The following SLC7A14 variants were observed in gnomAD, a reference collection of about 807,000 sequenced individuals.
SLC7A14 encodes the protein solute carrier family 7 member 14, also known as gamma-aminobutyric acid transporter SLC7A14.
A neutral mutation model predicts 60.2 loss-of-function variants in SLC7A14; 37 were observed. That is an observed-to-expected ratio of 0.61 (90% confidence interval 0.47 to 0.81). SLC7A14 has a LOEUF of 0.81. Among genes scored for constraint, SLC7A14 ranks in the 30% least tolerant of loss-of-function variants. The probability of loss-of-function intolerance (pLI) is 0.00; values close to 1 mark genes in which losing one functional copy is unlikely to be tolerated. For missense variants in SLC7A14, 886 were observed against 982.7 expected (o/e 0.90, Z 1.32); for synonymous variants, 399 against 395.8 (o/e 1.01, Z -0.10).
chr3:170,566,509 A>C (rs1437507756), intron 1 of SLC7A14, among the ~76,000 whole-genome samples: 1 of 152,198 alleles, frequency 6.6e-6, no homozygotes, highest in Admixed American at 6.5e-5. Flanking sequence ...TTTTCAGTTT[A>C]ATCTCCTGAC....
intron 2 of SLC7A14, among the ~76,000 whole-genome samples, chr3:170,504,942 G>C (rs566195531): frequency 6.6e-5 from 10 of 152,270 alleles, no homozygotes; most frequent in African/African-American, 2.4e-4. Flanking sequence ...CAGGGACCTG[G>C]GCTGTTTATC....
intron 2 of SLC7A14, 126 bp downstream of exon 2, chr3:170,526,507 G>A (rs1713504349): frequency 8.4e-7 from 1 of 1,189,628 alleles, no homozygotes; most frequent in East Asian, 2.4e-5. Context: ...GCAAAAAAGA[G>A]CATGATGATC....
intron 4 of SLC7A14, chr3:170,495,773 C>T (rs1712371105): frequency 8.6e-7 from 1 of 1,162,658 alleles, no homozygotes; most frequent in Non-Finnish European, 1.3e-6. Flanking sequence ...AGGTACGGTT[C>T]CTGCAGCAGT....
At position 170,532,642 on chromosome 3, in the gene SLC7A14, C is replaced by T. The variant is rs1713712477; in HGVS notation, c.-152-5554G>A. Among the ~76,000 whole-genome samples, 1 of 151,690 alleles carries T rather than the reference C, an allele frequency of 6.6e-6. No individual in the cohort carries two copies. The highest frequency in any genetic ancestry group is 6.6e-5 in the Admixed American group (1 of 15,254). ...TGCATGCTGTGGGAGCGTTAGCTAGCATCACCCTGCTGTGGCCCCTGACCA... is the reference window on the plus strand; with the variant it reads ...TGCATGCTGTGGGAGCGTTAGCTAGTATCACCCTGCTGTGGCCCCTGACCA... On this transcript the variant is annotated intron_variant, in intron 1 of 7. Coordinates refer to ENST00000231706, the MANE Select transcript of SLC7A14 (RefSeq NM_020949.3). This position sits in a 1 kb window ranked among gnomAD's most constrained non-coding sequence, Gnocchi z 4.0.
At chr3:170,563,823 T>C (rs1434616161) in intron 1 of SLC7A14, among the ~76,000 whole-genome samples, 1 of 152,250 alleles carries the variant, frequency 6.6e-6, no homozygotes, top group East Asian at 1.9e-4. Context: ...GGTTTTCATC[T>C]GCATTTGGTT....
At chr3:170,496,211 C>A in intron 4 of SLC7A14, 1 of 918,466 alleles carries the variant, frequency 1.1e-6, no homozygotes, top group Non-Finnish European at 1.8e-6. Context: ...ACAGCATCAT[C>A]GCTGAGGTCA....
intron 7 of SLC7A14, among the ~76,000 whole-genome samples, chr3:170,472,661 G>A (rs1169446771): frequency 3.9e-5 from 6 of 151,926 alleles, no homozygotes; most frequent in Non-Finnish European, 8.8e-5. Context: ...CAGCTACTCC[G>A]GAGGCTGAGG....
Position 170,523,519 on chromosome 3 carries a change from T to G in SLC7A14, c.304+3114A>C, listed in dbSNP as rs59758259. 2.8e-4 allele frequency among the ~76,000 whole-genome samples: 43 copies of G among 152,330 alleles called. No individual in the cohort carries two copies. The East Asian group carries it at 3.3e-3, about 12-fold the overall frequency. On this transcript the variant is annotated intron_variant, in intron 2 of 7. Coordinates refer to ENST00000231706, the MANE Select transcript of SLC7A14 (RefSeq NM_020949.3). ...GTGATTCAGCACAGTTTAGTCTTCC[T>G]TTGAAAACACTCTTAACCCCATTAC...
intron 2 of SLC7A14, among the ~76,000 whole-genome samples, chr3:170,521,233 G>A (rs577970883): frequency 1.3e-5 from 2 of 152,306 alleles, no homozygotes; most frequent in Admixed American, 6.5e-5. Context: ...TAACTTCCCA[G>A]CTTGACAAAT....
At chr3:170,488,558 T>C (rs1712110191) in intron 4 of SLC7A14, among the ~76,000 whole-genome samples, 1 of 152,212 alleles carries the variant, frequency 6.6e-6, no homozygotes, top group African/African-American at 2.4e-5. Context: ...AGATAGTTCC[T>C]TCATTTTTGA....
chr3:170,515,683 G>C (rs1713134738), intron 2 of SLC7A14, among the ~76,000 whole-genome samples: 1 of 151,992 alleles, frequency 6.6e-6, no homozygotes, highest in East Asian at 1.9e-4. Flanking sequence ...CCCTCTCTTG[G>C]TTGTTTTTCA....
chr3:170,474,653 CTCT>C (rs973875923), intron 7 of SLC7A14, among the ~76,000 whole-genome samples: 1 of 152,158 alleles, frequency 6.6e-6, no homozygotes, highest in Non-Finnish European at 1.5e-5. Flanking sequence ...CTTTCTTTCC[CTCT>C]TCTTCTTTTT....
intron 1 of SLC7A14, among the ~76,000 whole-genome samples, chr3:170,558,776 G>C (rs10936640): frequency 6.6e-6 from 1 of 151,980 alleles, no homozygotes; most frequent in Non-Finnish European, 1.5e-5. Context: ...AAGAATTACA[G>C]AGCTGGATTT....
intron 7 of SLC7A14, among the ~76,000 whole-genome samples, chr3:170,472,566 C>A (rs1236788757): frequency 6.6e-6 from 1 of 151,936 alleles, no homozygotes. Context: ...GAGATCGAGA[C>A]CATCCTCGCT....
At chr3:170,550,512 A>AT (rs369436642) in intron 1 of SLC7A14, among the ~76,000 whole-genome samples, 1,819 of 60,510 alleles carry the variant, frequency 0.03, 42 homozygotes, top group Middle Eastern at 0.043. Flanking sequence ...CTTTCCTTGA[A>AT]TTTTTTTTTT....
At chr3:170,517,062 A>G (rs1713181410) in intron 2 of SLC7A14, among the ~76,000 whole-genome samples, 1 of 152,180 alleles carries the variant, frequency 6.6e-6, no homozygotes, top group South Asian at 2.1e-4. Flanking sequence ...TAAAATGGGG[A>G]CATTAATATC....
At chr3:170,550,851 T>C (rs1304465679) in intron 1 of SLC7A14, among the ~76,000 whole-genome samples, 1 of 152,134 alleles carries the variant, frequency 6.6e-6, no homozygotes, top group African/African-American at 2.4e-5. Flanking sequence ...ATTGGTTGCC[T>C]TTCTGAAAAA....
intron 2 of SLC7A14, among the ~76,000 whole-genome samples, chr3:170,526,337 G>A (rs963144919): frequency 6.6e-6 from 1 of 151,776 alleles, no homozygotes; most frequent in African/African-American, 2.4e-5. Context: ...AGGAGGTGGA[G>A]GTTTCAGTGA....
chr3:170,521,318 G>T (rs781745271), intron 2 of SLC7A14, among the ~76,000 whole-genome samples: 2 of 152,194 alleles, frequency 1.3e-5, no homozygotes, highest in African/African-American at 4.8e-5. Flanking sequence ...ATGGGGAATG[G>T]TGCGGCAAGG....
Sources: allele counts gnomAD v4.1 joint callset (sites outside exome capture counted in the v4.1 genomes callset), GRCh38; gene constraint gnomAD v4.1.1; non-coding constraint Gnocchi (gnomAD v3.1); transcripts MANE v1.5; gene names NCBI Gene and HGNC (gene_info 2026-07-23, HGNC 2026-07-21).